Variants in PLD1 observed in about 807,000 individuals in gnomAD.
PLD1 encodes choline phosphatase 1.
PLD1 carries 112 observed loss-of-function variants against 137.1 expected under a neutral mutation model. The ratio of observed to expected loss-of-function variants is 0.82; its 90% CI spans 0.70 to 0.96. The LOEUF is 0.96. Ranked by LOEUF, PLD1 falls within the 40% of genes least tolerant of loss-of-function variation. The probability of loss-of-function intolerance (pLI) is 0.00; values close to 1 mark genes in which losing one functional copy is unlikely to be tolerated. For missense variants in PLD1, 1,321 were observed against 1,342.0 expected, an observed-to-expected ratio of 0.98 and a Z score of 0.24; for synonymous variants, 431 against 454.7, an observed-to-expected ratio of 0.95 and a Z score of 0.66.
chr3:171,735,889 C>T (rs1261314435), intron 3 of PLD1, among the ~76,000 whole-genome samples: 1 of 152,144 alleles, frequency 6.6e-6, no homozygotes, highest in Non-Finnish European at 1.5e-5. Flanking sequence ...GCTGTTCCTC[C>T]AACATATGTG....
In PLD1 at chr3:171,688,726, C is replaced by T. The variant is rs149680370; in HGVS notation, c.1489G>A (p.Val497Met). The T allele has an allele frequency of 1.7e-5, 27 of 1,614,030 alleles. No individual in the cohort carries two copies. Among genetic ancestry groups the T allele is most frequent in the Non-Finnish European group, 2.0e-5 (24 of 1,180,026 alleles). Residue 497 changes from valine to methionine, a missense_variant, in exon 14 of 27, where the codon GTG becomes ATG. Coordinates refer to ENST00000351298, the MANE Select transcript of PLD1 (RefSeq NM_002662.5). ...WDDNEHRLTD[V>M]GSVKRVTSGP... ...GAAGTGACCCGCTTCACACTGCCCACGTCTGTGAGTCTGTGCTCATTGTCG... is the reference window on the plus strand; with the variant it reads ...GAAGTGACCCGCTTCACACTGCCCATGTCTGTGAGTCTGTGCTCATTGTCG...
chr3:171,701,589 A>C (rs559433496), intron 11 of PLD1, among the ~76,000 whole-genome samples: 1 of 152,372 alleles, frequency 6.6e-6, no homozygotes, highest in South Asian at 2.1e-4. Flanking sequence ...TACTTTGAAG[A>C]ATCTTAAGAT....
intron 1 of PLD1, among the ~76,000 whole-genome samples, chr3:171,784,667 C>T (rs1423155904): frequency 6.6e-6 from 1 of 152,162 alleles, no homozygotes; most frequent in Non-Finnish European, 1.5e-5. Flanking sequence ...CCAATCTTTC[C>T]ATAGACATCC....
At chr3:171,642,266 C>T (rs1735818428) in intron 23 of PLD1, among the ~76,000 whole-genome samples, 1 of 151,554 alleles carries the variant, frequency 6.6e-6, no homozygotes, top group African/African-American at 2.4e-5. Flanking sequence ...ACAGGCCTGG[C>T]CAACACGGTG....
intron 1 of PLD1, among the ~76,000 whole-genome samples, chr3:171,805,097 C>T (rs1723794153): frequency 6.6e-6 from 1 of 152,186 alleles, no homozygotes; most frequent in African/African-American, 2.4e-5. Flanking sequence ...TTTATGGCCT[C>T]AGAAGTCTCT....
Position 171,605,327 on chromosome 3 carries a change from G to T in PLD1, c.2972C>A (p.Ala991Glu), listed in dbSNP as rs1217197851. 1.9e-6 allele frequency: 3 copies of T among 1,610,372 alleles called. No homozygotes were observed. The highest frequency in any genetic ancestry group is 3.3e-5 in the Admixed American group (2 of 59,970). ...GTCATAAATTGTAGCATTTCGAGCT[G>T]CTGTTGAAACCCACACCTCCTTGAA... ...KFFKEVWVST[A>E]ARNATIYDKV... Residue 991 changes from alanine (A) to glutamate (E), a missense_variant, in exon 26 of 27, where the codon GCA (alanine) becomes GAA (glutamate). Coordinates refer to ENST00000351298, the MANE Select transcript of PLD1 (RefSeq NM_002662.5).
At chr3:171,681,632 G>A (rs75697424) in intron 16 of PLD1, among the ~76,000 whole-genome samples, 5,825 of 152,170 alleles carry the variant, frequency 0.038, 176 homozygotes, top group East Asian at 0.13. Context: ...ATTTAGAATC[G>A]TGGTTAAGGG....
intron 19 of PLD1, among the ~76,000 whole-genome samples, chr3:171,666,869 G>A (rs911514138): frequency 6.6e-6 from 1 of 152,150 alleles, no homozygotes; most frequent in South Asian, 2.1e-4. Context: ...ACTTGGACTA[G>A]TCATTTTCTT....
In PLD1 at chr3:171,605,339, C is replaced by T. The variant is rs1249622949; in HGVS notation, c.2960G>A (p.Trp987Ter). ...AGCATTTCGAGCTGCTGTTGAAACC[C>T]ACACCTCCTTGAAGAATTTGTCACT... ...PVSDKFFKEVWVSTAARNATI... is the reference protein window; with the variant it reads ...PVSDKFFKEV The change falls in exon 26 of 27, where the codon TGG becomes TAG. Residue 987 changes from tryptophan to a stop codon, truncating the protein, a stop_gained. Transcript: ENST00000351298. LOFTEE classifies it high-confidence loss of function. 1.2e-6 allele frequency: 2 copies of T among 1,613,558 alleles called. No individual in the cohort carries two copies. Among genetic ancestry groups the T allele is most frequent in the Non-Finnish European group, 1.7e-6 (2 of 1,179,522 alleles).
At chr3:171,617,781 A>C (rs889879722) in intron 24 of PLD1, among the ~76,000 whole-genome samples, 5 of 152,156 alleles carry the variant, frequency 3.3e-5, no homozygotes, top group Non-Finnish European at 7.4e-5. Context: ...ATGAGGAGTA[A>C]AATGAAGATA....
At chr3:171,798,909 G>A (rs964797453) in intron 1 of PLD1, among the ~76,000 whole-genome samples, 5 of 152,098 alleles carry the variant, frequency 3.3e-5, no homozygotes, top group East Asian at 1.9e-4. Context: ...GTCAGGCATC[G>A]GAGCACAAAG....
chr3:171,703,141 A>G (rs567030592), intron 11 of PLD1, among the ~76,000 whole-genome samples: 2 of 152,316 alleles, frequency 1.3e-5, no homozygotes, highest in Admixed American at 6.5e-5. Context: ...ATGAAATTCA[A>G]TATCCATTAA....
At chr3:171,679,335 C>T (rs773867263) in intron 16 of PLD1, among the ~76,000 whole-genome samples, 2 of 152,138 alleles carry the variant, frequency 1.3e-5, no homozygotes, top group Non-Finnish European at 2.9e-5. Flanking sequence ...AAAATGAAAT[C>T]ATGTTAAAAA....
intron 1 of PLD1, among the ~76,000 whole-genome samples, chr3:171,758,256 G>C (rs1721162553): frequency 6.6e-6 from 1 of 152,170 alleles, no homozygotes; most frequent in Non-Finnish European, 1.5e-5. Flanking sequence ...AGAGGGATTG[G>C]TCATGTGCTC....
chr3:171,608,699 A>T (rs568156290), intron 25 of PLD1, among the ~76,000 whole-genome samples: 1 of 152,286 alleles, frequency 6.6e-6, no homozygotes, highest in Non-Finnish European at 1.5e-5. Flanking sequence ...AAGGTTCCAG[A>T]TCATCTGGTT....
chr3:171,715,759 AT>A (rs1443570658), intron 8 of PLD1, among the ~76,000 whole-genome samples: 1 of 151,678 alleles, frequency 6.6e-6, no homozygotes, highest in Non-Finnish European at 1.5e-5. Context: ...CAATAGATAT[AT>A]TTTTTTCTTT....
At chr3:171,622,966 T>C (rs1733763548) in intron 23 of PLD1, among the ~76,000 whole-genome samples, 1 of 151,834 alleles carries the variant, frequency 6.6e-6, no homozygotes, top group Non-Finnish European at 1.5e-5. Flanking sequence ...ATAAAAGAGA[T>C]AAACTTAATG....
chr3:171,792,721 C>G (rs1234531336), intron 1 of PLD1: 1 of 456,590 alleles, frequency 2.2e-6, no homozygotes, highest in African/African-American at 2.0e-5. Context: ...AAGGACATTT[C>G]TGCAGGGCAC....
At chr3:171,611,029 C>T (rs545253509) in intron 25 of PLD1, among the ~76,000 whole-genome samples, 31 of 152,256 alleles carry the variant, frequency 2.0e-4, no homozygotes, top group African/African-American at 6.7e-4. Context: ...CACTAAGCGC[C>T]CATCTGCAAG....
Sources: gnomAD v4.1 joint callset for allele counts (sites outside exome capture counted in the v4.1 genomes callset) on GRCh38, gnomAD v4.1.1 for gene constraint, MANE v1.5 for transcripts, NCBI Gene and HGNC (gene_info 2026-07-23, HGNC 2026-07-21) for gene names.